The following ARHGAP26 variants were observed in gnomAD, a reference collection of about 807,000 sequenced individuals.
ARHGAP26 encodes rho GTPase-activating protein 26.
In ARHGAP26, 38 loss-of-function variants were observed where a neutral mutation model predicts 104.8. The ratio of observed to expected loss-of-function variants is 0.36; its 90% CI spans 0.28 to 0.48. The LOEUF (loss-of-function observed/expected upper bound fraction) is 0.48. ARHGAP26 is among the 20% of genes least tolerant of loss of function. The probability of loss-of-function intolerance (pLI) is 0.99; values close to 1 mark genes in which losing one functional copy is unlikely to be tolerated. For missense variants in ARHGAP26, 704 were observed against 947.9 expected, an observed-to-expected ratio of 0.74 and a Z score of 3.38; for synonymous variants, 341 against 340.0, an observed-to-expected ratio of 1.00 and a Z score of -0.03.
At chr5:143,096,774 G>A (rs1164007700) in intron 17 of ARHGAP26, among the ~76,000 whole-genome samples, 1 of 151,734 alleles carries the variant, frequency 6.6e-6, no homozygotes. Flanking sequence ...TTCATGCGAA[G>A]CATCACAGTT....
At chr5:143,102,824 A>G (rs953681068) in intron 17 of ARHGAP26, among the ~76,000 whole-genome samples, 1 of 151,924 alleles carries the variant, frequency 6.6e-6, no homozygotes, top group Non-Finnish European at 1.5e-5. Context: ...GATAATTTTC[A>G]GTACTTTTTT....
At chr5:142,851,375 G>T (rs545148852) in intron 1 of ARHGAP26, among the ~76,000 whole-genome samples, 1 of 152,212 alleles carries the variant, frequency 6.6e-6, no homozygotes, top group African/African-American at 2.4e-5. Flanking sequence ...GGGATTACAG[G>T]CGTGAGCCGC....
chr5:143,177,987 C>CTT (rs397705462), intron 20 of ARHGAP26, among the ~76,000 whole-genome samples: 54 of 58,340 alleles, frequency 9.3e-4, no homozygotes, highest in Non-Finnish European at 1.2e-3. Context: ...TGTGGCAGTC[C>CTT]TTTTTTTTTT....
intron 1 of ARHGAP26, among the ~76,000 whole-genome samples, chr5:142,795,818 C>T (rs1597656201): frequency 6.6e-6 from 1 of 152,128 alleles, no homozygotes; most frequent in Admixed American, 6.5e-5. Flanking sequence ...AATCTCAGCC[C>T]TATTACCTAC....
rs529428274 is a variant in ARHGAP26 at position 142,817,433 on chromosome 5, A to G, written c.154+46518A>G. Among the ~76,000 whole-genome samples, 17 of 152,332 alleles carry G rather than the reference A, an allele frequency of 1.1e-4. No individual in the cohort carries two copies. In the South Asian group the frequency reaches 3.3e-3, roughly 30 times the overall value. ...GAAAAGTGAGAGGCAAGTGCAGAAC[A>G]GTCAGAGATAAAGGGGAAAGGCACT... On this transcript the variant is annotated intron_variant, in intron 1 of 22. Transcript: ENST00000645722.
At chr5:142,864,457 A>G (rs1753901858) in intron 1 of ARHGAP26, among the ~76,000 whole-genome samples, 1 of 152,178 alleles carries the variant, frequency 6.6e-6, no homozygotes, top group African/African-American at 2.4e-5. Flanking sequence ...CTTGCCTTTC[A>G]TCTGCCAGAG....
At chr5:142,903,505 TTTCTTTGA>T (rs757704826) in intron 7 of ARHGAP26, 27 bp from the exon 8 acceptor site, 4 of 1,604,632 alleles carry the variant, frequency 2.5e-6, no homozygotes, top group Non-Finnish European at 3.4e-6. Context: ...AGATACTTTG[TTTCTTTGA>T]TTTGAATAAA....
At chr5:143,013,902 A>T (rs71590928) in intron 11 of ARHGAP26, among the ~76,000 whole-genome samples, 178 bp from the exon 12 acceptor site, 1 of 152,202 alleles carries the variant, frequency 6.6e-6, no homozygotes, top group African/African-American at 2.4e-5. Flanking sequence ...ACTTAAGAAC[A>T]GCTAAAGTAA....
chr5:142,976,650 A>G (rs564903944), intron 11 of ARHGAP26, among the ~76,000 whole-genome samples: 1 of 152,326 alleles, frequency 6.6e-6, no homozygotes, highest in African/African-American at 2.4e-5. Flanking sequence ...TTGGGAAAAG[A>G]TATTTTTTTA....
At chr5:143,079,850 A>T (rs1311094275) in intron 17 of ARHGAP26, among the ~76,000 whole-genome samples, 1 of 152,110 alleles carries the variant, frequency 6.6e-6, no homozygotes. Flanking sequence ...GAATCTAGAG[A>T]TAGATGAGAT....
chr5:142,794,805 G>T (rs187025949), intron 1 of ARHGAP26, among the ~76,000 whole-genome samples: 1 of 152,186 alleles, frequency 6.6e-6, no homozygotes, highest in Non-Finnish European at 1.5e-5. Flanking sequence ...CCCGGCCAAT[G>T]ATTGACTGCC....
At position 142,903,469 on chromosome 5, in the gene ARHGAP26, A is replaced by G. The variant is rs187486314; in HGVS notation, c.703-71A>G. The stretch of plus-strand genomic sequence containing the variant: ...ATCTCATTTTAGATCTAAGGATTCT[A>G]TTAGGTTGATCTGGATTGTTAAAAC... On this transcript the variant is annotated intron_variant, in intron 7 of 22. Coordinates refer to ENST00000645722, the MANE Select transcript of ARHGAP26 (RefSeq NM_001135608.3). 35 of 1,511,976 alleles carry G rather than the reference A, an allele frequency of 2.3e-5. No homozygotes were observed. The African/African-American group carries it at 3.2e-4, about 14-fold the overall frequency. 93.7% of individuals were successfully genotyped at this position (1,511,976 alleles called of 1,614,324 possible).
intron 17 of ARHGAP26, among the ~76,000 whole-genome samples, chr5:143,077,184 A>G (rs1789161291): frequency 6.6e-6 from 1 of 152,174 alleles, no homozygotes; most frequent in Admixed American, 6.5e-5. Flanking sequence ...TGCCTCAGGT[A>G]TGTGGGCGCC....
chr5:142,857,684 C>T (rs1752591366), intron 1 of ARHGAP26, among the ~76,000 whole-genome samples: 1 of 152,172 alleles, frequency 6.6e-6, no homozygotes, highest in Non-Finnish European at 1.5e-5. Flanking sequence ...TTCTTCTCTC[C>T]TCTGGGAACA....
chr5:143,017,710 G>A (rs574397030), intron 12 of ARHGAP26, among the ~76,000 whole-genome samples: 1 of 152,184 alleles, frequency 6.6e-6, no homozygotes, highest in South Asian at 2.1e-4. Flanking sequence ...TTATGCTGTG[G>A]CTTCTGATTA....
At chr5:142,987,126 A>AG in intron 11 of ARHGAP26, among the ~76,000 whole-genome samples, 1 of 152,304 alleles carries the variant, frequency 6.6e-6, no homozygotes, top group African/African-American at 2.4e-5. Context: ...CCTATCCATG[A>AG]GCATAGAATG....
intron 1 of ARHGAP26, among the ~76,000 whole-genome samples, chr5:142,799,178 A>T (rs1185284979): frequency 6.6e-6 from 1 of 151,916 alleles, no homozygotes; most frequent in African/African-American, 2.4e-5. Context: ...ATTAGGAGTA[A>T]CAACTGTGGT....
Position 142,831,053 on chromosome 5 carries a change from TA to T in ARHGAP26, c.155-42345del, listed in dbSNP as rs1768317749. On this transcript the variant is annotated intron_variant, in intron 1 of 22. Coordinates refer to ENST00000645722, the MANE Select transcript of ARHGAP26 (RefSeq NM_001135608.3). ...GAGTGTTTGTGGGGACTAAAGATGATAATCCATGTGAAATTCCGATCACAAT... is the reference window on the plus strand; with the variant it reads ...GAGTGTTTGTGGGGACTAAAGATGATATCCATGTGAAATTCCGATCACAAT... Among the ~76,000 whole-genome samples, 5 of 152,212 alleles carry T rather than the reference TA, an allele frequency of 3.3e-5. No homozygotes were observed. The South Asian group carries it at 1.0e-3, about 31-fold the overall frequency.
intron 1 of ARHGAP26, among the ~76,000 whole-genome samples, chr5:142,794,180 G>A (rs1760477699): frequency 6.6e-6 from 1 of 152,188 alleles, no homozygotes; most frequent in Non-Finnish European, 1.5e-5. Context: ...GGATGACTTG[G>A]CCAAGATTTT....
Sources: gnomAD v4.1 joint callset for allele counts (sites outside exome capture counted in the v4.1 genomes callset) on GRCh38, gnomAD v4.1.1 for gene constraint, MANE v1.5 for transcripts, NCBI Gene and HGNC (gene_info 2026-07-23, HGNC 2026-07-21) for gene names.